MMRN1: variants seen among roughly 807,000 people sequenced by gnomAD.
The protein encoded by MMRN1 is multimerin 1.
A neutral mutation model predicts 100.7 loss-of-function variants in MMRN1; 94 were observed. The observed-to-expected ratio is 0.93, with a 90% confidence interval of 0.79 to 1.11. The LOEUF (loss-of-function observed/expected upper bound fraction) is 1.11, where lower values mean the gene tolerates loss of function less well. Among genes scored for constraint, MMRN1 ranks in the 50% least tolerant of loss-of-function variants. The probability of loss-of-function intolerance (pLI) is 0.00; values close to 1 mark genes in which losing one functional copy is unlikely to be tolerated. For missense variants in MMRN1, 1,606 were observed against 1,439.1 expected (o/e 1.12, Z -1.88); for synonymous variants, 575 against 505.0 (o/e 1.14, Z -1.86).
At chr4:89,897,322 C>T (rs1721237948) in intron 1 of MMRN1, among the ~76,000 whole-genome samples, 1 of 151,898 alleles carries the variant, frequency 6.6e-6, no homozygotes, top group African/African-American at 2.4e-5. Context: ...GATTCTCTTG[C>T]CTCAGCCTTC....
chr4:89,908,954 A>G (rs1721654622), intron 1 of MMRN1, among the ~76,000 whole-genome samples: 1 of 151,376 alleles, frequency 6.6e-6, no homozygotes, highest in African/African-American at 2.4e-5. Flanking sequence ...TTATCTCAGT[A>G]CTAATATTAA....
chr4:89,911,365 C>T lies in MMRN1; in HGVS notation c.744-579C>T, dbSNP rs115871212. Among the ~76,000 whole-genome samples, 595 of 151,496 alleles carry T rather than the reference C, an allele frequency of 3.9e-3. 7 individuals are homozygous for T. Among genetic ancestry groups the T allele is most frequent in the African/African-American group, 0.014 (569 of 41,472 alleles). Reference sequence around the variant, plus strand: ...AATTTCCTCATATTACATCCCTTCTCTCTCTCTGTCCTTCTCTCTCTCTCT... The same window carrying T: ...AATTTCCTCATATTACATCCCTTCTTTCTCTCTGTCCTTCTCTCTCTCTCT... On this transcript the variant is annotated intron_variant, in intron 2 of 7. Transcript: ENST00000264790.
chr4:89,909,376 G>T lies in MMRN1; in HGVS notation c.724G>T (p.Gly242Cys). The T allele has an allele frequency of 1.9e-6, 3 of 1,609,500 alleles. No homozygotes were observed. Among genetic ancestry groups the T allele is most frequent in the Middle Eastern group, 1.7e-4 (1 of 6,028 alleles). ...TGGGAAAGGACCTTGTGGCTGGACC[G>T]GTGGATCCTGTCCTCAGAGGTATGT... ...PGGKGPCGWT[G>C]GSCPQRSQKI... The change falls in exon 2 of 8, where the codon GGT becomes TGT. Residue 242 changes from glycine to cysteine, a missense_variant. Coordinates refer to ENST00000264790, the MANE Select transcript of MMRN1 (RefSeq NM_007351.3).
chr4:89,945,105 A>G (rs1722948168), intron 6 of MMRN1, among the ~76,000 whole-genome samples: 1 of 152,196 alleles, frequency 6.6e-6, no homozygotes, highest in Non-Finnish European at 1.5e-5. Context: ...ACAAACTCAT[A>G]CAATATGTGG....
At chr4:89,910,457 T>C (rs943172857) in intron 2 of MMRN1, among the ~76,000 whole-genome samples, 7 of 151,596 alleles carry the variant, frequency 4.6e-5, no homozygotes, top group African/African-American at 1.7e-4. Context: ...ATCTTTTTTA[T>C]GCCTTCTGAG....
intron 1 of MMRN1, among the ~76,000 whole-genome samples, chr4:89,897,487 C>T (rs973385143): frequency 2.0e-5 from 3 of 151,894 alleles, no homozygotes; most frequent in Admixed American, 6.6e-5. Context: ...GGATTACAGG[C>T]GTGAGCCACC....
intron 1 of MMRN1, among the ~76,000 whole-genome samples, chr4:89,901,231 T>C (rs560302748): frequency 4.3e-4 from 65 of 152,096 alleles, no homozygotes; most frequent in African/African-American, 1.5e-3. Context: ...GTTTGTTTCT[T>C]ATAATATTTC....
upstream of MMRN1, among the ~76,000 whole-genome samples, chr4:89,891,130 A>C (rs1367318733): frequency 6.6e-6 from 1 of 152,072 alleles, no homozygotes; most frequent in African/African-American, 2.4e-5. Context: ...ATTTATTTTG[A>C]GAATAGATAA....
At chr4:89,928,295 A>G (rs1442129) in intron 5 of MMRN1, among the ~76,000 whole-genome samples, 95,880 of 151,886 alleles carry the variant, frequency 0.63, 31,311 homozygotes, top group African/African-American at 0.79. Context: ...CAAGAATAAA[A>G]ACGCAGTTAG....
At chr4:89,901,970 T>C (rs2110586351) in intron 1 of MMRN1, 1 of 152,070 alleles carries the variant, frequency 6.6e-6, no homozygotes, top group Admixed American at 6.6e-5. Flanking sequence ...AGCATAGAAT[T>C]CTGCATCACG....
intron 6 of MMRN1, among the ~76,000 whole-genome samples, chr4:89,949,425 A>C (rs1723090011): frequency 6.6e-6 from 1 of 152,244 alleles, no homozygotes; most frequent in Non-Finnish European, 1.5e-5. Context: ...TGCTAAATTC[A>C]GAGAATGTAA....
At chr4:89,922,214 C>A (rs1341242530) in intron 3 of MMRN1, among the ~76,000 whole-genome samples, 1 of 152,108 alleles carries the variant, frequency 6.6e-6, no homozygotes, top group Non-Finnish European at 1.5e-5. Context: ...AATAGACTCT[C>A]CTGCCTCAGC....
intron 6 of MMRN1, among the ~76,000 whole-genome samples, chr4:89,944,142 TCTAA>T (rs1159350085): frequency 1.3e-5 from 2 of 152,244 alleles, no homozygotes; most frequent in Non-Finnish European, 2.9e-5. Context: ...CACAGCATAT[TCTAA>T]CTATTTATCT....
chr4:89,917,879 T>A (rs557649886), intron 3 of MMRN1, among the ~76,000 whole-genome samples: 1 of 152,052 alleles, frequency 6.6e-6, no homozygotes, highest in East Asian at 1.9e-4. Flanking sequence ...TATCAGCACT[T>A]AAATACTGTG....
chr4:89,921,695 A>G (rs1722094731), intron 3 of MMRN1, among the ~76,000 whole-genome samples: 1 of 152,208 alleles, frequency 6.6e-6, no homozygotes, highest in Non-Finnish European at 1.5e-5. Flanking sequence ...CAGCAGAGGA[A>G]ATGAAAATCA....
chr4:89,895,700 A>C (rs1237872855), intron 1 of MMRN1, 106 bp downstream of exon 1: 1 of 1,432,552 alleles, frequency 7.0e-7, no homozygotes, highest in Non-Finnish European at 9.2e-7. Flanking sequence ...TTCAAGATGA[A>C]ATTGGATCAT....
chr4:89,887,235 T>C (rs150482481), intron 1 of MMRN1, among the ~76,000 whole-genome samples: 1 of 152,024 alleles, frequency 6.6e-6, no homozygotes, highest in African/African-American at 2.4e-5. Flanking sequence ...CCCAAAGCGA[T>C]CTACAGATTT....
chr4:89,881,773 A>G (rs976743504), intron 1 of MMRN1, among the ~76,000 whole-genome samples: 2 of 151,944 alleles, frequency 1.3e-5, no homozygotes, highest in Non-Finnish European at 2.9e-5. Flanking sequence ...CAAGTTGTGT[A>G]CTGAATTCGC....
At chr4:89,888,120 A>G (rs1720977561) in intron 1 of MMRN1, among the ~76,000 whole-genome samples, 1 of 151,952 alleles carries the variant, frequency 6.6e-6, no homozygotes, top group Non-Finnish European at 1.5e-5. Flanking sequence ...TTACATATAT[A>G]TTTAACTTTT....
Sources: gnomAD v4.1 joint callset for allele counts (sites outside exome capture counted in the v4.1 genomes callset) on GRCh38, gnomAD v4.1.1 for gene constraint, MANE v1.5 for transcripts, NCBI Gene and HGNC (gene_info 2026-07-23, HGNC 2026-07-21) for gene names.